CPNE8: variants seen among roughly 807,000 people sequenced by gnomAD.
CPNE8 encodes the protein copine 8.
A neutral mutation model predicts 81.5 loss-of-function variants in CPNE8; 45 were observed. The observed-to-expected ratio is 0.55, with a 90% CI of 0.44 to 0.71. The LOEUF is 0.71. Ranked by LOEUF, CPNE8 falls within the 30% of genes least tolerant of loss-of-function variation. The pLI, the probability that CPNE8 is intolerant of heterozygous loss-of-function variation, is 0.00. For synonymous variants in CPNE8, 252 were observed against 226.3 expected (o/e 1.11, Z -1.02); for missense variants, 594 against 672.1 (o/e 0.88, Z 1.28).
intron 1 of CPNE8, among the ~76,000 whole-genome samples, chr12:38,890,009 T>C (rs984320758): frequency 6.6e-6 from 1 of 152,208 alleles, no homozygotes; most frequent in East Asian, 1.9e-4. Context: ...ATAGCTGGTT[T>C]AGACCATGCT....
intron 4 of CPNE8, among the ~76,000 whole-genome samples, chr12:38,847,203 CAA>C (rs1421807829): frequency 3.3e-5 from 5 of 151,456 alleles, no homozygotes; most frequent in Non-Finnish European, 7.4e-5. Context: ...ACAGTGAAAA[CAA>C]TGCAGATGAA....
At chr12:38,740,978 C>T (rs927153559) in intron 10 of CPNE8, among the ~76,000 whole-genome samples, 9 of 151,960 alleles carry the variant, frequency 5.9e-5, no homozygotes, top group Admixed American at 2.0e-4. Context: ...CCAGCTCCTC[C>T]TTGAAGGACC....
rs1202252884 is a variant in CPNE8 at position 38,681,138 on chromosome 12, C to G, written c.1272-3584G>C. 3.3e-5 allele frequency among the ~76,000 whole-genome samples: 5 copies of G among 151,878 alleles called. No homozygotes were observed. In the East Asian group the frequency reaches 9.6e-4, roughly 29 times the overall value. ...ATTAGTTTATTTTTGAAATATTAAG[C>G]TGGTATAATATACCAACAAATTAAA... On this transcript the variant is annotated intron_variant, in intron 16 of 19. Coordinates refer to ENST00000331366, the MANE Select transcript of CPNE8 (RefSeq NM_153634.3).
intron 15 of CPNE8, among the ~76,000 whole-genome samples, chr12:38,692,890 G>A (rs1392090338): frequency 6.6e-6 from 1 of 152,088 alleles, no homozygotes; most frequent in Admixed American, 6.5e-5. Flanking sequence ...AACATTTTGG[G>A]ACTTCTAAGA....
intron 11 of CPNE8, among the ~76,000 whole-genome samples, chr12:38,727,185 A>G (rs779397088): frequency 1.3e-5 from 2 of 152,200 alleles, no homozygotes; most frequent in Non-Finnish European, 2.9e-5. Flanking sequence ...GTGATCACTC[A>G]TTCAAGACAA....
At position 38,719,388 on chromosome 12, in the gene CPNE8, G is replaced by C. The variant is rs557687253; in HGVS notation, c.914+4384C>G. On this transcript the variant is annotated intron_variant, in intron 13 of 19. Coordinates refer to ENST00000331366, the MANE Select transcript of CPNE8 (RefSeq NM_153634.3). ...GGAGGCCGAGAAGGGCAGATCACTCGAGGCCAGGAGTTCAAGACCAGCATG... is the reference window on the plus strand; with the variant it reads ...GGAGGCCGAGAAGGGCAGATCACTCCAGGCCAGGAGTTCAAGACCAGCATG... Among the ~76,000 whole-genome samples the C allele has an allele frequency of 2.0e-4, 31 of 152,086 alleles. 1 individual carries two copies. In the South Asian group the frequency reaches 6.2e-3, roughly 31 times the overall value.
At chr12:38,661,612 T>A (rs1369237658) in intron 19 of CPNE8, among the ~76,000 whole-genome samples, 2 of 151,880 alleles carry the variant, frequency 1.3e-5, no homozygotes, top group African/African-American at 4.8e-5. Flanking sequence ...AATAAGTAAA[T>A]AAATAAAATT....
chr12:38,777,441 G>T (rs1013948070), intron 6 of CPNE8, among the ~76,000 whole-genome samples: 1 of 151,956 alleles, frequency 6.6e-6, no homozygotes, highest in Non-Finnish European at 1.5e-5. Context: ...AGTAAGTTAA[G>T]GTTAATTTAT....
intron 6 of CPNE8, among the ~76,000 whole-genome samples, chr12:38,777,885 C>CT (rs1941968022): frequency 6.6e-6 from 1 of 152,166 alleles, no homozygotes; most frequent in Admixed American, 6.5e-5. Flanking sequence ...ACTACCTGAG[C>CT]TCTGCCTCTT....
intron 10 of CPNE8, among the ~76,000 whole-genome samples, chr12:38,744,005 A>G (rs1294030943): frequency 6.6e-6 from 1 of 152,206 alleles, no homozygotes; most frequent in Admixed American, 6.5e-5. Context: ...ATAAATAGCT[A>G]AACATATTTT....
chr12:38,869,041 A>G (rs566159316), intron 3 of CPNE8, among the ~76,000 whole-genome samples: 11 of 152,268 alleles, frequency 7.2e-5, no homozygotes, highest in South Asian at 2.1e-4. Context: ...AAATATGACA[A>G]TTTCATATGG....
chr12:38,822,405 G>C (rs1943121674), intron 6 of CPNE8, among the ~76,000 whole-genome samples: 1 of 152,066 alleles, frequency 6.6e-6, no homozygotes, highest in African/African-American at 2.4e-5. Context: ...CCTTAAACTT[G>C]CTGAATTCCT....
At chr12:38,828,500 T>G (rs1415903026) in intron 6 of CPNE8, among the ~76,000 whole-genome samples, 1 of 152,170 alleles carries the variant, frequency 6.6e-6, no homozygotes, top group East Asian at 1.9e-4. Context: ...ACACACTAAA[T>G]AAAAAGTTTA....
chr12:38,758,089 A>C (rs1401417216), intron 10 of CPNE8, among the ~76,000 whole-genome samples: 4 of 152,058 alleles, frequency 2.6e-5, no homozygotes, highest in African/African-American at 9.7e-5. Flanking sequence ...AAAGTAAATT[A>C]CTATTTCTTG....
At chr12:38,740,306 G>A (rs1027522654) in intron 10 of CPNE8, among the ~76,000 whole-genome samples, 2 of 152,124 alleles carry the variant, frequency 1.3e-5, no homozygotes, top group Non-Finnish European at 2.9e-5. Flanking sequence ...GGGTTAAGAC[G>A]ATGAGGTTTT....
rs922626573 is a variant in CPNE8 at position 38,652,904 on chromosome 12, G to A, written c.*978C>T. On this transcript the variant is annotated 3_prime_UTR_variant, in exon 20 of 20. Transcript: ENST00000331366. Reference sequence around the variant, plus strand: ...GACTTCCAGCCTGTGCACCTTGTGTGGCAACGTGGAATGGTGATAACAAGA... The same window carrying A: ...GACTTCCAGCCTGTGCACCTTGTGTAGCAACGTGGAATGGTGATAACAAGA... 3.3e-5 allele frequency: 5 copies of A among 152,588 alleles called. No homozygotes were observed. Among genetic ancestry groups the A allele is most frequent in the Non-Finnish European group, 5.9e-5 (4 of 68,038 alleles). 9.5% of individuals were successfully genotyped at this position (152,588 alleles called of 1,614,324 possible).
At chr12:38,828,902 T>C (rs1185409690) in intron 6 of CPNE8, among the ~76,000 whole-genome samples, 1 of 152,170 alleles carries the variant, frequency 6.6e-6, no homozygotes, top group African/African-American at 2.4e-5. Context: ...AAGGTGAAGA[T>C]GGAATAGACC....
chr12:38,770,202 A>T (rs1167770991), intron 7 of CPNE8, among the ~76,000 whole-genome samples: 1 of 152,198 alleles, frequency 6.6e-6, no homozygotes, highest in Admixed American at 6.5e-5. Context: ...CAATCTGAAC[A>T]TCTAACGTCT....
At chr12:38,699,053 T>C (rs944793484) in intron 14 of CPNE8, among the ~76,000 whole-genome samples, 2 of 152,244 alleles carry the variant, frequency 1.3e-5, no homozygotes, top group Non-Finnish European at 2.9e-5. Context: ...CTCTGGGGAA[T>C]AGTGCCACCT....
Sources: gnomAD v4.1 joint callset for allele counts (sites outside exome capture counted in the v4.1 genomes callset) on GRCh38, gnomAD v4.1.1 for gene constraint, MANE v1.5 for transcripts, NCBI Gene and HGNC (gene_info 2026-07-23, HGNC 2026-07-21) for gene names.